GPR158: variants seen among roughly 807,000 people sequenced by gnomAD.
GPR158 encodes the protein metabotropic glycine receptor.
A neutral mutation model predicts 78.2 loss-of-function variants in GPR158; 30 were observed. The ratio of observed to expected loss-of-function variants is 0.38; its 90% CI spans 0.29 to 0.52. GPR158 has a LOEUF of 0.52. Among genes scored for constraint, GPR158 ranks in the 20% least tolerant of loss-of-function variants. The pLI is 0.83. For synonymous variants in GPR158, 581 were observed against 591.1 expected (o/e 0.98, Z 0.25); for missense variants, 1,463 against 1,523.5 (o/e 0.96, Z 0.66).
intron 2 of GPR158, among the ~76,000 whole-genome samples, chr10:25,350,189 G>C (rs116736598): frequency 0.018 from 2,752 of 151,822 alleles, 76 homozygotes; most frequent in African/African-American, 0.053. Flanking sequence ...ACAAATATCA[G>C]TAAGGCATGG....
At chr10:25,435,845 T>G (rs1348064736) in intron 4 of GPR158, among the ~76,000 whole-genome samples, 3 of 152,148 alleles carry the variant, frequency 2.0e-5, no homozygotes, top group African/African-American at 7.2e-5. Flanking sequence ...GGGTAAGAGA[T>G]AGTCGTGGTA....
intron 2 of GPR158, among the ~76,000 whole-genome samples, chr10:25,324,859 G>C (rs1438941648): frequency 7.9e-6 from 1 of 126,130 alleles, no homozygotes; most frequent in South Asian, 2.3e-4. Context: ...GAGACATTGA[G>C]ACAAGGTGTT....
At chr10:25,326,291 C>CT (rs1855031207) in intron 2 of GPR158, among the ~76,000 whole-genome samples, 1 of 152,114 alleles carries the variant, frequency 6.6e-6, no homozygotes, top group African/African-American at 2.4e-5. Context: ...GATATTATTC[C>CT]TTTTTATGGC....
Position 25,547,833 on chromosome 10 carries a change from T to C in GPR158, c.1405-3143T>C, listed in dbSNP as rs73610305. ...ATCAAAGTCTCGTCTTTCTAAGGTA[T>C]TGTGAGGATTAAATGAGTAAATGTA... On this transcript the variant is annotated intron_variant, in intron 5 of 10. Coordinates refer to ENST00000376351, the MANE Select transcript of GPR158 (RefSeq NM_020752.3). Among the ~76,000 whole-genome samples, 998 of 152,300 alleles carry C rather than the reference T, an allele frequency of 6.6e-3. 16 individuals are homozygous for C. Among genetic ancestry groups the C allele is most frequent in the African/African-American group, 0.022 (930 of 41,566 alleles).
chr10:25,309,527 C>A (rs1487130146), intron 2 of GPR158, among the ~76,000 whole-genome samples: 2 of 152,076 alleles, frequency 1.3e-5, no homozygotes, highest in Non-Finnish European at 2.9e-5. Context: ...TCCTTTGCTG[C>A]AGAAAGCTTT....
intron 1 of GPR158, among the ~76,000 whole-genome samples, chr10:25,206,522 A>C (rs981447020): frequency 2.6e-5 from 4 of 152,200 alleles, no homozygotes; most frequent in African/African-American, 9.6e-5. Context: ...AAAGAAAAAC[A>C]ATTCTAATCA....
chr10:25,268,727 A>G (rs184818744), intron 2 of GPR158, among the ~76,000 whole-genome samples: 1 of 152,274 alleles, frequency 6.6e-6, no homozygotes, highest in East Asian at 1.9e-4. Flanking sequence ...TTGGGATAGA[A>G]TATAGAAGAG....
At chr10:25,209,676 C>T (rs992211274) in intron 1 of GPR158, among the ~76,000 whole-genome samples, 2 of 152,134 alleles carry the variant, frequency 1.3e-5, no homozygotes, top group Non-Finnish European at 2.9e-5. Context: ...CTCCAAAATC[C>T]TATCTGGTTT....
At chr10:25,483,691 A>C (rs1376406678) in intron 5 of GPR158, among the ~76,000 whole-genome samples, 1 of 152,224 alleles carries the variant, frequency 6.6e-6, no homozygotes, top group Non-Finnish European at 1.5e-5. Context: ...TGCTTAAAAA[A>C]TATTTGTTAA....
At chr10:25,482,220 A>C (rs1415574396) in intron 5 of GPR158, among the ~76,000 whole-genome samples, 1 of 151,822 alleles carries the variant, frequency 6.6e-6, no homozygotes, top group Admixed American at 6.6e-5. Flanking sequence ...GTCTCACTCT[A>C]TTGCCCAGGC....
chr10:25,427,077 C>T (rs983249276), intron 4 of GPR158, among the ~76,000 whole-genome samples: 2 of 151,948 alleles, frequency 1.3e-5, no homozygotes, highest in Non-Finnish European at 2.9e-5. Context: ...TCTTTTTGTC[C>T]TTATCTTTTC....
intron 2 of GPR158, among the ~76,000 whole-genome samples, chr10:25,332,774 C>T (rs972520566): frequency 2.0e-5 from 3 of 152,078 alleles, no homozygotes; most frequent in Non-Finnish European, 2.9e-5. Flanking sequence ...TAGGATCTCT[C>T]GTTATAACTT....
intron 2 of GPR158, among the ~76,000 whole-genome samples, chr10:25,371,465 G>T (rs907598493): frequency 6.6e-6 from 1 of 151,622 alleles, no homozygotes; most frequent in African/African-American, 2.4e-5. Context: ...ATACTATAAG[G>T]CTACAGTAAC....
At chr10:25,244,076 A>G (rs1414272286) in intron 2 of GPR158, 6 of 152,080 alleles carry the variant, frequency 3.9e-5, no homozygotes, top group East Asian at 1.9e-4. Flanking sequence ...TGCCTCATCC[A>G]CTTAGAACAA....
At chr10:25,188,912 A>T (rs1427788091) in intron 1 of GPR158, among the ~76,000 whole-genome samples, 1 of 152,206 alleles carries the variant, frequency 6.6e-6, no homozygotes, top group African/African-American at 2.4e-5. Flanking sequence ...TCCAGAATCT[A>T]CAAAGAACTC....
At chr10:25,369,379 G>A (rs1413893844) in intron 2 of GPR158, among the ~76,000 whole-genome samples, 4 of 149,402 alleles carry the variant, frequency 2.7e-5, no homozygotes, top group Non-Finnish European at 5.9e-5. Flanking sequence ...TAGCATGAAG[G>A]GTTGTTGAAT....
intron 4 of GPR158, among the ~76,000 whole-genome samples, chr10:25,437,563 C>T (rs1835013297): frequency 6.6e-6 from 1 of 152,166 alleles, no homozygotes; most frequent in Non-Finnish European, 1.5e-5. Context: ...TTTAATAGTG[C>T]AGGAACAACT....
intron 2 of GPR158, among the ~76,000 whole-genome samples, chr10:25,301,305 T>A (rs1379092084): frequency 6.6e-6 from 1 of 152,210 alleles, no homozygotes; most frequent in Non-Finnish European, 1.5e-5. Flanking sequence ...TTTAAGATCC[T>A]AGCTTCTAGC....
At chr10:25,571,613 AT>A (rs1251421942) in intron 6 of GPR158, among the ~76,000 whole-genome samples, 4 of 152,214 alleles carry the variant, frequency 2.6e-5, no homozygotes, top group African/African-American at 9.6e-5. Context: ...CTTATGTCAA[AT>A]CATAATTTTG....
Sources: allele counts gnomAD v4.1 joint callset (sites outside exome capture counted in the v4.1 genomes callset), GRCh38; gene constraint gnomAD v4.1.1; transcripts MANE v1.5; gene names NCBI Gene and HGNC (gene_info 2026-07-23, HGNC 2026-07-21).